Variants in CPSF2 observed in about 807,000 individuals in gnomAD.
CPSF2 encodes the protein cleavage and polyadenylation specific factor 2.
Under a neutral mutation model 84.2 loss-of-function variants are expected in CPSF2, and 51 were observed. The ratio of observed to expected loss-of-function variants is 0.61; its 90% CI spans 0.48 to 0.77. The LOEUF is 0.77. CPSF2 is among the 30% of genes least tolerant of loss of function. The pLI is 0.00. For synonymous variants in CPSF2, 286 were observed against 311.9 expected, an observed-to-expected ratio of 0.92 and a Z score of 0.87; for missense variants, 641 against 929.4, an observed-to-expected ratio of 0.69 and a Z score of 4.03.
chr14:92,161,883 A>C lies in CPSF2; in HGVS notation c.*139A>C, dbSNP rs1442875095. 1.7e-6 allele frequency: 1 copy of C among 573,932 alleles called. No individual in the cohort carries two copies. The highest frequency in any genetic ancestry group is 2.0e-5 in the African/African-American group (1 of 50,458). 35.6% of individuals were successfully genotyped at this position (573,932 alleles called of 1,614,324 possible). ...AACTTACATGTATCAGATTTTTAAA[A>C]ATATAAATAGAGAACATTTTGCAAA... is the stretch of plus-strand genomic sequence containing the variant. On this transcript the variant is annotated 3_prime_UTR_variant, in exon 16 of 16. Transcript: ENST00000298875.
intron 9 of CPSF2, among the ~76,000 whole-genome samples, chr14:92,145,247 A>C (rs1003344283): frequency 1.3e-5 from 2 of 152,114 alleles, no homozygotes; most frequent in Non-Finnish European, 2.9e-5. Flanking sequence ...ATAATTATTT[A>C]ATTAGAGACA....
intron 9 of CPSF2, among the ~76,000 whole-genome samples, chr14:92,148,717 T>A (rs1206778267): frequency 6.6e-6 from 1 of 150,414 alleles, no homozygotes; most frequent in East Asian, 1.9e-4. Context: ...GCAAGAGGAT[T>A]GCTTGAGCCT....
chr14:92,146,944 T>C (rs1215130574), intron 9 of CPSF2, among the ~76,000 whole-genome samples: 2 of 152,208 alleles, frequency 1.3e-5, no homozygotes. Context: ...CATTCAGGCC[T>C]CAGGTTTAAC....
chr14:92,146,814 A>G (rs890604861), intron 9 of CPSF2, among the ~76,000 whole-genome samples: 1 of 152,132 alleles, frequency 6.6e-6, no homozygotes, highest in Non-Finnish European at 1.5e-5. Flanking sequence ...ATCCCCACCT[A>G]CCTTCTGACC....
At chr14:92,130,907 G>T (rs976255523) in intron 2 of CPSF2, 44 bp from the exon 3 acceptor site, 30 of 1,223,848 alleles carry the variant, frequency 2.5e-5, no homozygotes, top group Non-Finnish European at 3.4e-5. Flanking sequence ...ATATATGCCA[G>T]ACTGTGCTTT....
At chr14:92,151,392 AAAAACAAAAC>A (rs573992606) in intron 9 of CPSF2, among the ~76,000 whole-genome samples, 1 of 151,908 alleles carries the variant, frequency 6.6e-6, no homozygotes, top group African/African-American at 2.4e-5. Flanking sequence ...ACCCTGTCTC[AAAAACAAAAC>A]AAAACAAAAC....
intron 15 of CPSF2, 40 bp downstream of exon 15, chr14:92,161,286 G>C: frequency 6.5e-7 from 1 of 1,546,542 alleles, no homozygotes; most frequent in Non-Finnish European, 8.7e-7. Flanking sequence ...GAACACATAC[G>C]TCTGATGTTT....
At chr14:92,133,225 C>T (rs1260939056) in intron 3 of CPSF2, among the ~76,000 whole-genome samples, 2 of 152,024 alleles carry the variant, frequency 1.3e-5, no homozygotes, top group Non-Finnish European at 2.9e-5. Flanking sequence ...TTCGAGACCA[C>T]CCTAACCAAC....
In CPSF2 at chr14:92,161,845, A is replaced by G; in HGVS notation, c.*101A>G. On this transcript the variant is annotated 3_prime_UTR_variant, in exon 16 of 16. Transcript: ENST00000298875. The stretch of plus-strand genomic sequence containing the variant: ...GTTTTGTTTTGTAACATACAAAAAG[A>G]ATCTGCCAGAAAAACTTACATGTAT... 2 of 673,514 alleles carry G rather than the reference A, an allele frequency of 3.0e-6. No individual in the cohort carries two copies. Among genetic ancestry groups the G allele is most frequent in the Non-Finnish European group, 4.9e-6 (2 of 411,188 alleles). 41.7% of individuals were successfully genotyped at this position (673,514 alleles called of 1,614,324 possible). A position where few individuals can be genotyped will look rare whatever the true frequency, so the allele number is the denominator to read the frequency against.
At chr14:92,122,229 G>C (rs888970478) in intron 1 of CPSF2, 101 bp downstream of exon 1, 1 of 299,742 alleles carries the variant, frequency 3.3e-6, no homozygotes, top group Non-Finnish European at 6.5e-6. Flanking sequence ...GGTCTCCCCC[G>C]AGGACTCGCC....
rs1278461467 is a variant in CPSF2, at chr14:92,134,870, A to G, written c.416-497A>G. Among the ~76,000 whole-genome samples, 5 of 152,238 alleles carry G rather than the reference A, an allele frequency of 3.3e-5. No homozygotes were observed. The East Asian group carries it at 9.6e-4, about 29-fold the overall frequency. On this transcript the variant is annotated intron_variant, in intron 5 of 15. Coordinates refer to ENST00000298875, the MANE Select transcript of CPSF2 (RefSeq NM_017437.3). ...ATAGATATGAACCCTGGCATTGATA[A>G]AATGGTGCAATAATGGACTCTGAAG...
chr14:92,123,559 G>A (rs2141445602), intron 1 of CPSF2, among the ~76,000 whole-genome samples: 1 of 152,160 alleles, frequency 6.6e-6, no homozygotes, highest in East Asian at 1.9e-4. Context: ...CACCGCGCCC[G>A]GCTACTTTTT....
intron 7 of CPSF2, among the ~76,000 whole-genome samples, chr14:92,139,788 C>T (rs1413129528): frequency 6.6e-6 from 1 of 151,794 alleles, no homozygotes; most frequent in African/African-American, 2.4e-5. Context: ...ATCCTCCTGC[C>T]TCAGCCTCCC....
At chr14:92,139,611 T>C (rs1213910866) in intron 7 of CPSF2, among the ~76,000 whole-genome samples, 1 of 148,876 alleles carries the variant, frequency 6.7e-6, no homozygotes, top group Non-Finnish European at 1.5e-5. Context: ...CAGTCTCGGC[T>C]CACTGCAACC....
At position 92,166,900 on chromosome 14, in the gene CPSF2, A is replaced by T. The variant is rs2069454481; in HGVS notation, c.*5156A>T. On this transcript the variant is annotated 3_prime_UTR_variant, in exon 16 of 16. Coordinates refer to ENST00000298875, the MANE Select transcript of CPSF2 (RefSeq NM_017437.3). ...CTGTAGCTTTGTAGTAACTTTTGAA[A>T]TTGGGGAAGTGTGAGTTCCCCAACT... The T allele has an allele frequency of 6.6e-6, 1 of 151,930 alleles. No homozygotes were observed. Among genetic ancestry groups the T allele is most frequent in the Non-Finnish European group, 1.5e-5 (1 of 68,008 alleles). 9.4% of individuals were successfully genotyped at this position (151,930 alleles called of 1,614,324 possible).
intron 1 of CPSF2, 120 bp from the exon 2 acceptor site, chr14:92,126,002 C>T (rs529423055): frequency 5.9e-5 from 9 of 152,108 alleles, no homozygotes; most frequent in African/African-American, 1.2e-4. Context: ...AAAAGGACCA[C>T]GTATTATACT....
chr14:92,123,960 G>A (rs1226403312), intron 1 of CPSF2, among the ~76,000 whole-genome samples: 3 of 152,124 alleles, frequency 2.0e-5, no homozygotes, highest in Non-Finnish European at 4.4e-5. Context: ...CTTTGCCTAG[G>A]GCAACAAAAA....
rs2069294449 is a variant in CPSF2 at position 92,156,659 on chromosome 14, T to C, written c.1595+28T>C. On this transcript the variant is annotated intron_variant, in intron 12 of 15. Transcript: ENST00000298875. ...AAGTGCTTTTGTGACATTTTGAAAATAGATTATAAGATAAAATTTCAAGCA... is the reference window on the plus strand; with the variant it reads ...AAGTGCTTTTGTGACATTTTGAAAACAGATTATAAGATAAAATTTCAAGCA... 2.1e-6 allele frequency: 3 copies of C among 1,446,270 alleles called. No homozygotes were observed. In the East Asian group the frequency reaches 7.0e-5, roughly 34 times the overall value. The allele number at this position is 1,446,270 out of a possible 1,614,324, so 89.6% of individuals were successfully genotyped here. A position where few individuals can be genotyped will look rare whatever the true frequency, so the allele number is the denominator to read the frequency against.
chr14:92,138,256 A>T lies in CPSF2; in HGVS notation c.570A>T (p.Glu190Asp). The T allele has an allele frequency of 6.2e-7, 1 of 1,601,642 alleles. No homozygotes were observed. Among genetic ancestry groups the T allele is most frequent in the Non-Finnish European group, 8.5e-7 (1 of 1,173,994 alleles). The change falls in exon 7 of 16, where the codon GAA becomes GAT. Residue 190 changes from glutamate (E) to aspartate (D), a missense_variant. Around this residue, in one of 2 missense-constraint regions of CPSF2, gnomAD observed 211 missense variants for 375.7 expected, o/e 0.56. Coordinates refer to ENST00000298875, the MANE Select transcript of CPSF2 (RefSeq NM_017437.3). ...REIHLNGCSL[E>D]MLSRPSLLIT... Reference sequence around the variant, plus strand: ...GCCATTTAAATGGATGTTCCCTGGAAATGCTAAGCAGGCCTTCCCTACTTA... The same window carrying T: ...GCCATTTAAATGGATGTTCCCTGGATATGCTAAGCAGGCCTTCCCTACTTA...
Sources: allele counts gnomAD v4.1 joint callset (sites outside exome capture counted in the v4.1 genomes callset), GRCh38; gene constraint gnomAD v4.1.1; regional missense constraint gnomAD v4.1.1; transcripts MANE v1.5; gene names NCBI Gene and HGNC (gene_info 2026-07-23, HGNC 2026-07-21).